The following CAMKMT variants were observed in gnomAD, a reference collection of about 807,000 sequenced individuals.
CAMKMT encodes the protein calmodulin-lysine N-methyltransferase, also known as CaM KMT.
Under a neutral mutation model 48.0 loss-of-function variants are expected in CAMKMT, and 53 were observed. The observed-to-expected ratio is 1.10, with a 90% CI of 0.89 to 1.39. CAMKMT has a LOEUF of 1.39. Among genes scored for constraint, CAMKMT ranks in the 40% most tolerant of loss-of-function variants. The pLI is 0.00. For missense variants in CAMKMT, 428 were observed against 402.7 expected, an observed-to-expected ratio of 1.06 and a Z score of -0.54; for synonymous variants, 165 against 152.3, an observed-to-expected ratio of 1.08 and a Z score of -0.61.
chr2:44,623,681 C>T (rs571566530), intron 3 of CAMKMT, among the ~76,000 whole-genome samples: 2 of 152,128 alleles, frequency 1.3e-5, no homozygotes, highest in South Asian at 2.1e-4. Context: ...TTCCATTAGT[C>T]TTAAGTGTGC....
chr2:44,436,864 C>T (rs1666294318), intron 3 of CAMKMT, among the ~76,000 whole-genome samples: 1 of 151,972 alleles, frequency 6.6e-6, no homozygotes, highest in African/African-American at 2.4e-5. Context: ...CTTAGATTTT[C>T]ATCAAAAAAA....
In CAMKMT at chr2:44,402,740, G is replaced by GTTTTTTTTTTTTTTTTTTTT; in HGVS notation, c.376+12454_376+12455insTTTTTTTTTTTTTTTTTTTT. Among the ~76,000 whole-genome samples, 491 of 93,706 alleles carry GTTTTTTTTTTTTTTTTTTTT rather than the reference G, an allele frequency of 5.2e-3. 1 individual carries two copies. Among genetic ancestry groups the GTTTTTTTTTTTTTTTTTTTT allele is most frequent in the Middle Eastern group, 6.7e-3 (1 of 150 alleles). 61.5% of individuals were successfully genotyped at this position (93,706 alleles called of 152,430 possible). ...TTATCTTTTCATCTTTTGTTTTGCTGTTTTTTTTTTTTTTTTTTTACTTTT... is the reference window on the plus strand; with the variant it reads ...TTATCTTTTCATCTTTTGTTTTGCTGTTTTTTTTTTTTTTTTTTTTTTTTTTTTTTTTTTTTTTTACTTTT... On this transcript the variant is annotated intron_variant, in intron 3 of 10. Coordinates refer to ENST00000378494, the MANE Select transcript of CAMKMT (RefSeq NM_024766.5).
chr2:44,564,265 T>G (rs1476555200), intron 3 of CAMKMT, among the ~76,000 whole-genome samples: 1 of 151,304 alleles, frequency 6.6e-6, no homozygotes, highest in Non-Finnish European at 1.5e-5. Flanking sequence ...AACCTCCGCC[T>G]TCCGGGTTCA....
chr2:44,768,611 A>C (rs537412082), intron 10 of CAMKMT, among the ~76,000 whole-genome samples: 212 of 152,194 alleles, frequency 1.4e-3, no homozygotes, highest in African/African-American at 4.7e-3. Flanking sequence ...CATGCCCTGC[A>C]GCAGGGCGCG....
chr2:44,631,938 T>G (rs1672856479), intron 3 of CAMKMT, among the ~76,000 whole-genome samples: 1 of 152,182 alleles, frequency 6.6e-6, no homozygotes, highest in Non-Finnish European at 1.5e-5. Flanking sequence ...TATTATACTA[T>G]TTCACATATA....
chr2:44,632,634 G>A (rs1672901570), intron 3 of CAMKMT, among the ~76,000 whole-genome samples: 1 of 152,206 alleles, frequency 6.6e-6, no homozygotes, highest in Non-Finnish European at 1.5e-5. Flanking sequence ...ATTGAAAGAT[G>A]CAAAGTATTG....
chr2:44,524,322 C>G (rs1216295028), intron 3 of CAMKMT, among the ~76,000 whole-genome samples: 1 of 152,182 alleles, frequency 6.6e-6, no homozygotes, highest in African/African-American at 2.4e-5. Flanking sequence ...CATTACTCCC[C>G]AATCCCCCCA....
At chr2:44,737,738 TTC>T (rs563665419) in intron 7 of CAMKMT, among the ~76,000 whole-genome samples, 5 of 150,788 alleles carry the variant, frequency 3.3e-5, no homozygotes, top group South Asian at 2.1e-4. Flanking sequence ...ATCTCCAGAG[TTC>T]TCTCTCTCTC....
chr2:44,392,031 G>C (rs1230516686), intron 3 of CAMKMT: 1 of 152,470 alleles, frequency 6.6e-6, no homozygotes, highest in East Asian at 1.9e-4. Context: ...CGTACATACT[G>C]CATGGCTGAG....
At chr2:44,706,482 T>C (rs548598292) in intron 5 of CAMKMT, 141 bp downstream of exon 5, 13 of 723,040 alleles carry the variant, frequency 1.8e-5, no homozygotes, top group South Asian at 1.2e-4. Flanking sequence ...ACCTTCTAGA[T>C]TGACTTACTT....
intron 3 of CAMKMT, among the ~76,000 whole-genome samples, chr2:44,418,937 C>A (rs1463428837): frequency 2.6e-5 from 4 of 152,058 alleles, no homozygotes; most frequent in Non-Finnish European, 5.9e-5. Context: ...TTGTATTTTT[C>A]ATTTTACAGG....
chr2:44,471,936 C>T (rs786415), intron 3 of CAMKMT, among the ~76,000 whole-genome samples: 9,996 of 152,196 alleles, frequency 0.066, 437 homozygotes, highest in Admixed American at 0.17. Context: ...CTGCCTGGGG[C>T]TCCCAAAGTG....
chr2:44,659,829 A>G (rs548511748), intron 3 of CAMKMT, among the ~76,000 whole-genome samples: 1 of 152,174 alleles, frequency 6.6e-6, no homozygotes, highest in African/African-American at 2.4e-5. Context: ...TAAACTATTT[A>G]TTTCTATTTT....
At chr2:44,715,864 G>T (rs991509960) in intron 7 of CAMKMT, among the ~76,000 whole-genome samples, 5 of 152,120 alleles carry the variant, frequency 3.3e-5, no homozygotes, top group Admixed American at 3.3e-4. Context: ...GAAACATCTG[G>T]CCCAGAATGT....
At chr2:44,599,465 C>T (rs761830688) in intron 3 of CAMKMT, among the ~76,000 whole-genome samples, 3 of 152,040 alleles carry the variant, frequency 2.0e-5, no homozygotes, top group Non-Finnish European at 4.4e-5. Flanking sequence ...AATGTAGATA[C>T]ATCAATATCG....
At chr2:44,368,407 C>T (rs1478164589) in intron 1 of CAMKMT, among the ~76,000 whole-genome samples, 2 of 152,158 alleles carry the variant, frequency 1.3e-5, no homozygotes, top group Non-Finnish European at 2.9e-5. Context: ...TTGACTTGAT[C>T]TCCTATTGCA....
intron 3 of CAMKMT, among the ~76,000 whole-genome samples, chr2:44,529,418 T>C (rs1666347490): frequency 6.6e-6 from 1 of 152,218 alleles, no homozygotes; most frequent in African/African-American, 2.4e-5. Context: ...GGAGTATACC[T>C]ACCATGTAAA....
chr2:44,611,630 A>G (rs1351686538), intron 3 of CAMKMT, among the ~76,000 whole-genome samples: 1 of 152,086 alleles, frequency 6.6e-6, no homozygotes, highest in African/African-American at 2.4e-5. Context: ...CCCTTTAAGC[A>G]TGGTGTATTA....
At chr2:44,388,585 T>C (rs972638419) in intron 2 of CAMKMT, among the ~76,000 whole-genome samples, 1 of 152,158 alleles carries the variant, frequency 6.6e-6, no homozygotes, top group East Asian at 1.9e-4. Flanking sequence ...AAGAGCCTTG[T>C]TTAGTCACAT....
Sources: gnomAD v4.1 joint callset for allele counts (sites outside exome capture counted in the v4.1 genomes callset) on GRCh38, gnomAD v4.1.1 for gene constraint, MANE v1.5 for transcripts, NCBI Gene and HGNC (gene_info 2026-07-23, HGNC 2026-07-21) for gene names.